The following KPNA6 variants were observed in gnomAD, a reference collection of about 807,000 sequenced individuals.
The protein encoded by KPNA6 is importin subunit alpha-7.
Under a neutral mutation model 72.0 loss-of-function variants are expected in KPNA6, and 9 were observed. The observed-to-expected ratio is 0.13, with a 90% CI of 0.08 to 0.22. KPNA6 has a LOEUF of 0.22. Among genes scored for constraint, KPNA6 ranks in the 10% least tolerant of loss-of-function variants. The pLI is 1.00. For synonymous variants in KPNA6, 219 were observed against 242.1 expected (o/e 0.90, Z 0.89); for missense variants, 374 against 655.7 (o/e 0.57, Z 4.69).
At chr1:32,147,995 C>A (rs1435084918) in intron 1 of KPNA6, among the ~76,000 whole-genome samples, 3 of 152,154 alleles carry the variant, frequency 2.0e-5, no homozygotes, top group Non-Finnish European at 4.4e-5. Context: ...TGAGAAATCA[C>A]CTGTTGATCT....
intron 1 of KPNA6, among the ~76,000 whole-genome samples, chr1:32,109,782 C>G (rs1222523551): frequency 1.3e-5 from 2 of 150,332 alleles, no homozygotes; most frequent in East Asian, 4.0e-4. Context: ...GTAGTTGGGA[C>G]TACAGGTGCC....
Position 32,158,294 on chromosome 1 carries a change from T to C in KPNA6, c.359T>C (p.Ile120Thr). 1.2e-6 allele frequency: 2 copies of C among 1,613,236 alleles called. No homozygotes were observed. Among genetic ancestry groups the C allele is most frequent in the Non-Finnish European group, 8.5e-7 (1 of 1,179,210 alleles). ...KEPSPPIDEV[I>T]NTPRVVDRFV... ...CCTAGTCCTCCAATAGATGAAGTTA[T>C]CAACACTCCAAGAGTGGTGGATCGG... The change falls in exon 5 of 14, where the codon ATC (isoleucine) becomes ACC (threonine). Residue 120 changes from isoleucine to threonine, a missense_variant. This residue lies in a region of KPNA6 where 298 missense variants were observed against 495.4 expected (regional missense o/e 0.60). Transcript: ENST00000373625.
chr1:32,130,067 C>G (rs1196459728), intron 1 of KPNA6, among the ~76,000 whole-genome samples: 1 of 152,108 alleles, frequency 6.6e-6, no homozygotes, highest in Non-Finnish European at 1.5e-5. Context: ...TGAGTCTAAG[C>G]TAATAATCAA....
intron 1 of KPNA6, among the ~76,000 whole-genome samples, chr1:32,112,583 C>T (rs1641260068): frequency 6.6e-6 from 1 of 152,106 alleles, no homozygotes; most frequent in Non-Finnish European, 1.5e-5. Flanking sequence ...ACCTCCGCTT[C>T]CTGGGTTCAA....
intron 1 of KPNA6, among the ~76,000 whole-genome samples, chr1:32,152,708 G>A (rs1283588252): frequency 6.6e-6 from 1 of 152,088 alleles, no homozygotes; most frequent in African/African-American, 2.4e-5. Flanking sequence ...AGCCAGACGT[G>A]GTGGCGGGCG....
At chr1:32,142,761 G>A (rs546897542) in intron 1 of KPNA6, among the ~76,000 whole-genome samples, 101 of 152,280 alleles carry the variant, frequency 6.6e-4, no homozygotes, top group Non-Finnish European at 1.1e-3. Flanking sequence ...AGCAAGTAAG[G>A]GAGTACATAA....
At chr1:32,142,036 A>T (rs928050714) in intron 1 of KPNA6, among the ~76,000 whole-genome samples, 19 of 152,064 alleles carry the variant, frequency 1.2e-4, no homozygotes, top group African/African-American at 3.6e-4. Context: ...TGGGAAGCCA[A>T]GGCGGGCGGA....
chr1:32,171,184 G>T lies in KPNA6; in HGVS notation c.*290G>T. 2.6e-6 allele frequency: 1 copy of T among 378,532 alleles called. No homozygotes were observed. Among genetic ancestry groups the T allele is most frequent in the Non-Finnish European group, 4.8e-6 (1 of 208,968 alleles). 23.4% of individuals were successfully genotyped at this position (378,532 alleles called of 1,614,324 possible). ...CACATGTCTTTAACCCAGGAGCCCA[G>T]GGGTAGACAAAGGAGGACTAAGGTA... On this transcript the variant is annotated 3_prime_UTR_variant, in exon 14 of 14. Coordinates refer to ENST00000373625, the MANE Select transcript of KPNA6 (RefSeq NM_012316.5).
chr1:32,110,678 C>G (rs1340582481), intron 1 of KPNA6, among the ~76,000 whole-genome samples: 4 of 152,102 alleles, frequency 2.6e-5, no homozygotes, highest in Non-Finnish European at 5.9e-5. Flanking sequence ...GGGTGGATCA[C>G]CTGAGGTCAG....
chr1:32,141,339 A>G (rs1168013444), intron 1 of KPNA6, among the ~76,000 whole-genome samples: 1 of 61,922 alleles, frequency 1.6e-5, no homozygotes, highest in South Asian at 3.6e-4. Context: ...CAGTTTTTTC[A>G]TTTATCCATT....
intron 1 of KPNA6, among the ~76,000 whole-genome samples, chr1:32,134,188 C>G (rs1466027632): frequency 6.7e-6 from 1 of 149,054 alleles, no homozygotes; most frequent in Non-Finnish European, 1.5e-5. Flanking sequence ...ACCCAGGAGG[C>G]GGAGGTTGCA....
intron 1 of KPNA6, among the ~76,000 whole-genome samples, chr1:32,111,336 TAA>T (rs1458356293): frequency 6.6e-6 from 1 of 152,178 alleles, no homozygotes; most frequent in Non-Finnish European, 1.5e-5. Context: ...AGTTAAGAAA[TAA>T]AGTTAGTCCT....
At chr1:32,114,729 A>G (rs1423091949) in intron 1 of KPNA6, among the ~76,000 whole-genome samples, 2 of 152,182 alleles carry the variant, frequency 1.3e-5, no homozygotes, top group African/African-American at 4.8e-5. Context: ...CTCCAATGGA[A>G]AGCTGTTTCT....
chr1:32,127,096 C>G (rs1353690001), intron 1 of KPNA6, among the ~76,000 whole-genome samples: 1 of 152,090 alleles, frequency 6.6e-6, no homozygotes, highest in Non-Finnish European at 1.5e-5. Context: ...TTTATTGTGC[C>G]CATTTTATTT....
At chr1:32,152,618 G>A (rs1642051040) in intron 1 of KPNA6, among the ~76,000 whole-genome samples, 1 of 152,154 alleles carries the variant, frequency 6.6e-6, no homozygotes, top group Admixed American at 6.5e-5. Flanking sequence ...GGCCGAGGCA[G>A]GTGGATCACG....
At chr1:32,152,948 G>A (rs1177288944) in intron 1 of KPNA6, among the ~76,000 whole-genome samples, 9 of 150,050 alleles carry the variant, frequency 6.0e-5, no homozygotes, top group South Asian at 4.2e-4. Context: ...CCCAGGAGGC[G>A]GAGGGTTGCA....
At position 32,146,068 on chromosome 1, in the gene KPNA6, T is replaced by C. The variant is rs79846264; in HGVS notation, c.5-8520T>C. 1.7e-3 allele frequency among the ~76,000 whole-genome samples: 252 copies of C among 152,354 alleles called. 1 individual carries two copies. The highest frequency in any genetic ancestry group is 5.9e-3 in the African/African-American group (247 of 41,576). Reference sequence around the variant, plus strand: ...AGAATCTATACTTGAGAAGAATGTATATTCTGCTGTTATTGGGTGGAATGC... The same window carrying C: ...AGAATCTATACTTGAGAAGAATGTACATTCTGCTGTTATTGGGTGGAATGC... On this transcript the variant is annotated intron_variant, in intron 1 of 13. Transcript: ENST00000373625.
At chr1:32,149,566 C>T (rs1030808594) in intron 1 of KPNA6, among the ~76,000 whole-genome samples, 2 of 152,032 alleles carry the variant, frequency 1.3e-5, no homozygotes, top group African/African-American at 2.4e-5. Flanking sequence ...GGCCATGCTT[C>T]CCTGTTTTTG....
chr1:32,142,873 G>T lies in KPNA6; in HGVS notation c.5-11715G>T, dbSNP rs1482740827. On this transcript the variant is annotated intron_variant, in intron 1 of 13. Coordinates refer to ENST00000373625, the MANE Select transcript of KPNA6 (RefSeq NM_012316.5). Reference sequence around the variant, plus strand: ...CTCCCTTGTCTGCTTCCCCAGTGAAGTCATAAGCAAATATTTGTGATAGTT... The same window carrying T: ...CTCCCTTGTCTGCTTCCCCAGTGAATTCATAAGCAAATATTTGTGATAGTT... 3 of 1,124,854 alleles carry T rather than the reference G, an allele frequency of 2.7e-6. No homozygotes were observed. In the East Asian group the frequency reaches 1.8e-4, roughly 68 times the overall value. 69.7% of individuals were successfully genotyped at this position (1,124,854 alleles called of 1,614,324 possible).
Sources: gnomAD v4.1 joint callset for allele counts (sites outside exome capture counted in the v4.1 genomes callset) on GRCh38, gnomAD v4.1.1 for gene constraint, gnomAD v4.1.1 regional missense constraint, MANE v1.5 for transcripts, NCBI Gene and HGNC (gene_info 2026-07-23, HGNC 2026-07-21) for gene names.